The following SEMA6A variants were observed in gnomAD, a reference collection of about 807,000 sequenced individuals.
SEMA6A encodes the protein semaphorin-6A.
SEMA6A carries 25 observed loss-of-function variants against 96.8 expected under a neutral mutation model. That is an observed-to-expected ratio of 0.26 (90% CI 0.19 to 0.36). The LOEUF (loss-of-function observed/expected upper bound fraction) is 0.36. SEMA6A is among the 10% of genes least tolerant of loss of function. SEMA6A has a pLI of 1.00. For synonymous variants in SEMA6A, 612 were observed against 518.0 expected, an observed-to-expected ratio of 1.18 and a Z score of -2.46; for missense variants, 1,363 against 1,323.1, an observed-to-expected ratio of 1.03 and a Z score of -0.47.
intron 18 of SEMA6A, among the ~76,000 whole-genome samples, chr5:116,454,301 T>C (rs1043425777): frequency 1.3e-5 from 2 of 151,534 alleles, no homozygotes; most frequent in African/African-American, 4.8e-5. Context: ...AGCCCCGGAG[T>C]AGCATCCCCT....
intron 12 of SEMA6A, among the ~76,000 whole-genome samples, chr5:116,479,358 G>C (rs1230093632): frequency 6.6e-6 from 1 of 152,200 alleles, no homozygotes; most frequent in East Asian, 1.9e-4. Flanking sequence ...TGGGGACCTA[G>C]TTGTCCTAAG....
rs747079015 is a variant in SEMA6A at position 116,553,371 on chromosome 5, G to A, written c.-39+20814C>T. Among the ~76,000 whole-genome samples, 11 of 152,204 alleles carry A rather than the reference G, an allele frequency of 7.2e-5. No homozygotes were observed. In the South Asian group the frequency reaches 8.3e-4, roughly 11 times the overall value. The stretch of plus-strand genomic sequence containing the variant: ...ACACCATCACAACCACAGCTCTGGC[G>A]GCTCACACTTGGTGTCATTAGCGTC... On this transcript the variant is annotated intron_variant, in intron 1 of 18. Coordinates refer to ENST00000343348, the MANE Select transcript of SEMA6A (RefSeq NM_020796.5).
intron 1 of SEMA6A, among the ~76,000 whole-genome samples, chr5:116,551,537 C>T (rs1474376685): frequency 6.6e-6 from 1 of 152,152 alleles, no homozygotes; most frequent in African/African-American, 2.4e-5. Context: ...GCTATTACTA[C>T]TCCATCTTAC....
At chr5:116,551,711 C>G (rs1219400636) in intron 1 of SEMA6A, among the ~76,000 whole-genome samples, 1 of 152,126 alleles carries the variant, frequency 6.6e-6, no homozygotes, top group Non-Finnish European at 1.5e-5. Context: ...TTCATTCCCA[C>G]CCACCACTAA....
intron 1 of SEMA6A, among the ~76,000 whole-genome samples, chr5:116,566,029 C>T (rs533887290): frequency 1.4e-5 from 2 of 139,142 alleles, no homozygotes; most frequent in Non-Finnish European, 3.2e-5. Context: ...ATGGATCTAT[C>T]ACAGCTTGTC....
In SEMA6A at chr5:116,473,232, C is replaced by T. The variant is rs192655421; in HGVS notation, c.1709-139G>A. 46 of 776,924 alleles carry T rather than the reference C, an allele frequency of 5.9e-5. No individual in the cohort carries two copies. The East Asian group carries it at 7.2e-4, about 12-fold the overall frequency. The allele number at this position is 776,924 out of a possible 1,614,324, so 48.1% of individuals were successfully genotyped here. The stretch of plus-strand genomic sequence containing the variant: ...CTAAGTAAGTGCTTTTTAATTTCTG[C>T]GTGTAATGTAAGATGCCTTCTACTC... On this transcript the variant is annotated intron_variant, in intron 16 of 18. Transcript: ENST00000343348.
chr5:116,454,075 G>A (rs1224569642), intron 18 of SEMA6A, among the ~76,000 whole-genome samples: 7 of 152,134 alleles, frequency 4.6e-5, no homozygotes, highest in African/African-American at 1.7e-4. Context: ...TTTCTGAGCT[G>A]CTGTGATATG....
chr5:116,558,448 C>CTTTTTTTTT (rs1008671132), intron 1 of SEMA6A, among the ~76,000 whole-genome samples: 1 of 34,744 alleles, frequency 2.9e-5, no homozygotes, highest in Non-Finnish European at 6.8e-5. Flanking sequence ...TTTAAGGATT[C>CTTTTTTTTT]TTTTTTTTTT....
intron 17 of SEMA6A, among the ~76,000 whole-genome samples, chr5:116,469,717 T>G (rs910572623): frequency 7.9e-5 from 12 of 152,230 alleles, no homozygotes; most frequent in African/African-American, 2.7e-4. Flanking sequence ...AGAACATTTC[T>G]TAATACGGTA....
At chr5:116,573,780 C>T (rs1441859179) in intron 1 of SEMA6A, among the ~76,000 whole-genome samples, 1 of 152,108 alleles carries the variant, frequency 6.6e-6, no homozygotes, top group Non-Finnish European at 1.5e-5. Flanking sequence ...CTGCCTTCGA[C>T]ACACCGGGCC....
At chr5:116,478,293 C>A (rs545992316) in intron 13 of SEMA6A, 139 bp from the exon 14 acceptor site, 12 of 992,752 alleles carry the variant, frequency 1.2e-5, no homozygotes, top group African/African-American at 3.3e-5. Flanking sequence ...TCTGCTCTTG[C>A]ACACACGTAA....
chr5:116,460,291 C>T (rs964884190), intron 18 of SEMA6A, among the ~76,000 whole-genome samples: 2 of 152,164 alleles, frequency 1.3e-5, no homozygotes, highest in East Asian at 1.9e-4. Flanking sequence ...CTCTTTATCA[C>T]ATTTCAAACA....
chr5:116,545,448 T>A (rs1322531114), intron 1 of SEMA6A, among the ~76,000 whole-genome samples: 1 of 152,070 alleles, frequency 6.6e-6, no homozygotes, highest in Non-Finnish European at 1.5e-5. Context: ...CAGGCACCTG[T>A]AATCCCAGCT....
Position 116,446,941 on chromosome 5 carries a change from G to A in SEMA6A, c.2765C>T (p.Thr922Met), listed in dbSNP as rs1466749428. 37 of 1,613,830 alleles carry A rather than the reference G, an allele frequency of 2.3e-5. No homozygotes were observed. Among genetic ancestry groups the A allele is most frequent in the Non-Finnish European group, 3.0e-5 (35 of 1,179,888 alleles). Residue 922 changes from threonine (T) to methionine (M), a missense_variant, in exon 19 of 19, where the codon ACG becomes ATG. By Grantham distance (81) the Thr-to-Met change is moderately conservative (BLOSUM62 -1). Coordinates refer to ENST00000343348, the MANE Select transcript of SEMA6A (RefSeq NM_020796.5). ...YGVDYKRSYPTNSLTRSHQAT... is the reference protein window; with the variant it reads ...YGVDYKRSYPMNSLTRSHQAT... The stretch of plus-strand genomic sequence containing the variant: ...CTGGTGGCTTCTCGTGAGCGAGTTC[G>A]TGGGGTAGCTCCTCTTATAGTCAAC...
intron 2 of SEMA6A, among the ~76,000 whole-genome samples, chr5:116,503,188 A>G (rs1449112101): frequency 6.6e-6 from 1 of 152,158 alleles, no homozygotes; most frequent in Non-Finnish European, 1.5e-5. Context: ...GATGAGCCAC[A>G]TTTAAAAGGC....
In SEMA6A at chr5:116,477,938, G is replaced by A. The variant is rs747121662; in HGVS notation, c.1569-12C>T. On this transcript the variant is annotated splice_polypyrimidine_tract_variant and intron_variant, in intron 14 of 18. Transcript: ENST00000343348. ...AGGCAATACAGGTTCTGCAGGAAGA[G>A]GATGACCATGAGCTACCTAGGACTG... 3.1e-6 allele frequency: 5 copies of A among 1,613,852 alleles called. No homozygotes were observed. The Admixed American group carries it at 5.0e-5, about 16-fold the overall frequency.
intron 1 of SEMA6A, among the ~76,000 whole-genome samples, chr5:116,529,572 G>A (rs989785683): frequency 1.3e-5 from 2 of 152,094 alleles, no homozygotes; most frequent in Non-Finnish European, 2.9e-5. Context: ...GAAAAAAGAA[G>A]ACCACGCAGC....
chr5:116,509,621 A>AGAGC (rs1476635879), intron 1 of SEMA6A, among the ~76,000 whole-genome samples: 1 of 151,680 alleles, frequency 6.6e-6, no homozygotes, highest in Non-Finnish European at 1.5e-5. Flanking sequence ...AGAGAGAGAG[A>AGAGC]GAGCATGCGA....
intron 10 of SEMA6A, among the ~76,000 whole-genome samples, chr5:116,484,998 T>C (rs1756982528): frequency 6.6e-6 from 1 of 152,106 alleles, no homozygotes; most frequent in Non-Finnish European, 1.5e-5. Context: ...TTTGAAACAA[T>C]TTGACATGAC....
Sources: gnomAD v4.1 joint callset for allele counts (sites outside exome capture counted in the v4.1 genomes callset) on GRCh38, gnomAD v4.1.1 for gene constraint, MANE v1.5 for transcripts, NCBI Gene and HGNC (gene_info 2026-07-23, HGNC 2026-07-21) for gene names.